RABGAP1L: variants seen among roughly 807,000 people sequenced by gnomAD.
The protein encoded by RABGAP1L is RAB GTPase activating protein 1 like, also known as rab GTPase-activating protein 1-like.
RABGAP1L carries 63 observed loss-of-function variants against 137.7 expected under a neutral mutation model. The observed-to-expected ratio is 0.46, with a 90% confidence interval of 0.37 to 0.56. RABGAP1L has a LOEUF of 0.56. RABGAP1L is among the 20% of genes least tolerant of loss of function. The pLI is 0.00. For missense variants in RABGAP1L, 1,095 were observed against 1,244.0 expected (o/e 0.88, Z 1.80); for synonymous variants, 431 against 433.7 (o/e 0.99, Z 0.08).
At chr1:174,508,352 G>A (rs1662021837) in intron 13 of RABGAP1L, among the ~76,000 whole-genome samples, 1 of 152,070 alleles carries the variant, frequency 6.6e-6, no homozygotes, top group Non-Finnish European at 1.5e-5. Context: ...AATCTGTTAA[G>A]TACTTTTGTT....
At chr1:174,580,586 C>G (rs557904730) in intron 13 of RABGAP1L, among the ~76,000 whole-genome samples, 17 of 151,752 alleles carry the variant, frequency 1.1e-4, no homozygotes, top group African/African-American at 4.1e-4. Context: ...ACAATGAGAA[C>G]ACATGGACAC....
chr1:174,351,492 A>G (rs376730095), intron 11 of RABGAP1L, among the ~76,000 whole-genome samples: 1 of 151,284 alleles, frequency 6.6e-6, no homozygotes, highest in Non-Finnish European at 1.5e-5. Flanking sequence ...ATGTCATGGC[A>G]CTCTCTCCTG....
chr1:174,585,996 C>A (rs1202136228), intron 13 of RABGAP1L, among the ~76,000 whole-genome samples: 1 of 152,096 alleles, frequency 6.6e-6, no homozygotes, highest in Non-Finnish European at 1.5e-5. Flanking sequence ...AATGGAAATT[C>A]CATTTAACCC....
intron 19 of RABGAP1L, among the ~76,000 whole-genome samples, chr1:174,824,241 G>C (rs1351859663): frequency 6.6e-6 from 1 of 152,120 alleles, no homozygotes; most frequent in Non-Finnish European, 1.5e-5. Flanking sequence ...AGTGAGCTGA[G>C]TTCGCTCCAC....
intron 13 of RABGAP1L, among the ~76,000 whole-genome samples, chr1:174,614,562 T>A (rs1671603138): frequency 6.6e-6 from 1 of 152,164 alleles, no homozygotes; most frequent in African/African-American, 2.4e-5. Flanking sequence ...TGGCTTGGAG[T>A]TGCTCTTCTT....
At chr1:174,775,200 CA>C (rs1686426478) in intron 18 of RABGAP1L, among the ~76,000 whole-genome samples, 1 of 151,952 alleles carries the variant, frequency 6.6e-6, no homozygotes, top group Admixed American at 6.6e-5. Flanking sequence ...ATTCCATTGA[CA>C]AAAATTTTGT....
Position 174,549,916 on chromosome 1 carries a change from C to T in RABGAP1L, c.1711-87459C>T, listed in dbSNP as rs558609642. On this transcript the variant is annotated intron_variant, in intron 13 of 25. Transcript: ENST00000681986. Reference sequence around the variant, plus strand: ...GGTGCAGTGGCATTCCCTGTAGATCCAGCTACTTGGGGGGCTGAGGTGGGA... The same window carrying T: ...GGTGCAGTGGCATTCCCTGTAGATCTAGCTACTTGGGGGGCTGAGGTGGGA... Among the ~76,000 whole-genome samples the T allele has an allele frequency of 3.9e-5, 6 of 152,198 alleles. No homozygotes were observed. In the South Asian group the frequency reaches 1.2e-3, roughly 32 times the overall value.
chr1:174,665,601 G>A (rs573768542), intron 14 of RABGAP1L, among the ~76,000 whole-genome samples: 2 of 152,198 alleles, frequency 1.3e-5, no homozygotes, highest in East Asian at 1.9e-4. Context: ...GATTATAGGC[G>A]TGCACCACTG....
chr1:174,710,968 G>A (rs894573503), intron 17 of RABGAP1L, among the ~76,000 whole-genome samples: 8 of 152,182 alleles, frequency 5.3e-5, no homozygotes, highest in African/African-American at 1.2e-4. Flanking sequence ...CCACGGTGGC[G>A]GGGAGGCTCA....
At chr1:174,161,846 A>C (rs1664485996) in intron 1 of RABGAP1L, among the ~76,000 whole-genome samples, 2 of 152,170 alleles carry the variant, frequency 1.3e-5, no homozygotes. Context: ...CTCCCACCTC[A>C]GCCTCCTGAG....
Position 174,829,600 on chromosome 1 carries a change from G to A in RABGAP1L, c.2340+17640G>A, listed in dbSNP as rs566030152. Among the ~76,000 whole-genome samples, 9 of 148,396 alleles carry A rather than the reference G, an allele frequency of 6.1e-5. 1 individual carries two copies. The highest frequency in any genetic ancestry group is 3.0e-5 in the Non-Finnish European group (2 of 66,688). ...TTTCATTTGCATAAGTTTCTTAGTCGTGTGTGATCAAAATAACTGTGTTGA... is the reference window on the plus strand; with the variant it reads ...TTTCATTTGCATAAGTTTCTTAGTCATGTGTGATCAAAATAACTGTGTTGA... On this transcript the variant is annotated intron_variant, in intron 19 of 25. Transcript: ENST00000681986.
rs572832849 is a variant in RABGAP1L, at chr1:174,875,741, G to T, written c.2340+63781G>T. ...ATGAACTGCCTGGACACCTTATAAT[G>T]CCTTGTCTCCTGATTATCATTTAAT... On this transcript the variant is annotated intron_variant, in intron 19 of 25. Coordinates refer to ENST00000681986, the MANE Select transcript of RABGAP1L (RefSeq NM_001366446.1). 5 of 961,246 alleles carry T rather than the reference G, an allele frequency of 5.2e-6. No homozygotes were observed. The African/African-American group carries it at 8.8e-5, about 17-fold the overall frequency. The allele number at this position is 961,246 out of a possible 1,614,324, so 59.5% of individuals were successfully genotyped here.
intron 12 of RABGAP1L, among the ~76,000 whole-genome samples, chr1:174,387,054 C>G (rs2149064978): frequency 6.6e-6 from 1 of 152,232 alleles, no homozygotes; most frequent in South Asian, 2.1e-4. Context: ...ATTTATGAGG[C>G]ATCATCTTAG....
chr1:174,641,051 AT>A (rs1674498549), intron 14 of RABGAP1L, among the ~76,000 whole-genome samples: 1 of 150,494 alleles, frequency 6.6e-6, no homozygotes, highest in South Asian at 2.1e-4. Flanking sequence ...GTACTTTGAC[AT>A]ATATTACCTC....
intron 11 of RABGAP1L, among the ~76,000 whole-genome samples, chr1:174,318,022 G>C (rs1679554097): frequency 1.3e-5 from 2 of 151,064 alleles, no homozygotes; most frequent in South Asian, 4.2e-4. Flanking sequence ...GTTATAGAGG[G>C]GTGGTATTGG....
rs534863467 is a variant in RABGAP1L at position 174,815,392 on chromosome 1, A to G, written c.2340+3432A>G. On this transcript the variant is annotated intron_variant, in intron 19 of 25. Coordinates refer to ENST00000681986, the MANE Select transcript of RABGAP1L (RefSeq NM_001366446.1). ...GGCAAGAAAGTTTAACTCCTTATCC[A>G]TAGCCTATTTAAGATTAAAGATAGA... 1.8e-4 allele frequency among the ~76,000 whole-genome samples: 27 copies of G among 152,368 alleles called. 1 individual carries two copies. In the South Asian group the frequency reaches 5.6e-3, roughly 32 times the overall value.
chr1:174,531,755 G>T (rs1020184667), intron 13 of RABGAP1L, among the ~76,000 whole-genome samples: 2 of 124,726 alleles, frequency 1.6e-5, no homozygotes, highest in South Asian at 6.5e-4. Context: ...GGGGTGGGGG[G>T]GGGGAAGATA....
At chr1:174,435,629 T>C (rs1457594670) in intron 13 of RABGAP1L, among the ~76,000 whole-genome samples, 1 of 152,170 alleles carries the variant, frequency 6.6e-6, no homozygotes, top group Non-Finnish European at 1.5e-5. Flanking sequence ...TCATTTTGTA[T>C]ATTCTTTATG....
intron 11 of RABGAP1L, among the ~76,000 whole-genome samples, chr1:174,368,988 G>T (rs1031225349): frequency 7.9e-5 from 12 of 151,790 alleles, no homozygotes; most frequent in African/African-American, 2.7e-4. Flanking sequence ...CTCTAATTTG[G>T]CATGTACAAC....
Sources: allele counts gnomAD v4.1 joint callset (sites outside exome capture counted in the v4.1 genomes callset), GRCh38; gene constraint gnomAD v4.1.1; transcripts MANE v1.5; gene names NCBI Gene and HGNC (gene_info 2026-07-23, HGNC 2026-07-21).